PCYT1B: variants seen among roughly 807,000 people sequenced by gnomAD.
PCYT1B encodes the protein choline-phosphate cytidylyltransferase B.
PCYT1B carries 10 observed loss-of-function variants against 26.4 expected under a neutral mutation model. That is an observed-to-expected ratio of 0.38 (90% CI 0.23 to 0.64). The LOEUF is 0.64. Among genes scored for constraint, PCYT1B ranks in the 30% least tolerant of loss-of-function variants. The pLI is 0.56. For missense variants in PCYT1B, 161 were observed against 292.7 expected, an observed-to-expected ratio of 0.55 and a Z score of 3.28; for synonymous variants, 131 against 108.4, an observed-to-expected ratio of 1.21 and a Z score of -1.29.
At chrX:24,629,591 C>CAAAAAA (rs1330878773) in intron 1 of PCYT1B, among the ~76,000 whole-genome samples, 1 of 67,108 alleles carries the variant, frequency 1.5e-5, no homozygotes, top group Admixed American at 2.0e-4. Flanking sequence ...AAAAAAAAAA[C>CAAAAAA]AACACGTATT....
At chrX:24,582,017 C>T (rs1169938366) in intron 5 of PCYT1B, among the ~76,000 whole-genome samples, 1 of 112,294 alleles carries the variant, frequency 8.9e-6, no homozygotes, top group Non-Finnish European at 1.9e-5. Context: ...GAATCTAACA[C>T]GGAAAACCAA....
chrX:24,611,784 CA>C (rs1925316166), intron 2 of PCYT1B, among the ~76,000 whole-genome samples: 1 of 110,355 alleles, frequency 9.1e-6, no homozygotes, highest in South Asian at 3.9e-4. Context: ...CCAGCCTGGC[CA>C]ACATGCTGAA....
chrX:24,563,126 A>G (rs937233469), intron 7 of PCYT1B, among the ~76,000 whole-genome samples: 1 of 111,478 alleles, frequency 9.0e-6, no homozygotes, highest in African/African-American at 3.3e-5. Context: ...GTCATGACCT[A>G]CGGACTGGAG....
intron 1 of PCYT1B, among the ~76,000 whole-genome samples, chrX:24,663,301 C>T (rs891222967): frequency 4.4e-5 from 5 of 112,552 alleles, no homozygotes; most frequent in Non-Finnish European, 7.5e-5. Context: ...CAGTAAGTTA[C>T]AAACTCTGTG....
At chrX:24,665,543 G>A (rs192767908) in intron 1 of PCYT1B, among the ~76,000 whole-genome samples, 1,331 of 110,853 alleles carry the variant, frequency 0.012, 13 homozygotes, top group Non-Finnish European at 0.018. Flanking sequence ...CACCTGCCTC[G>A]GCCTCCCAAA....
chrX:24,618,777 C>A (rs770413181), intron 2 of PCYT1B, among the ~76,000 whole-genome samples: 5 of 110,152 alleles, frequency 4.5e-5, no homozygotes, highest in African/African-American at 1.6e-4. Context: ...CGTGCACCAC[C>A]ACACCTGGCT....
chrX:24,601,608 A>T (rs1924968454), intron 3 of PCYT1B, among the ~76,000 whole-genome samples: 1 of 111,765 alleles, frequency 8.9e-6, no homozygotes, highest in Non-Finnish European at 1.9e-5. Context: ...AATAAGAAAA[A>T]AAACAGCTGG....
At chrX:24,609,919 C>A (rs1925256090) in intron 2 of PCYT1B, among the ~76,000 whole-genome samples, 1 of 110,275 alleles carries the variant, frequency 9.1e-6, no homozygotes, top group South Asian at 3.9e-4. Flanking sequence ...ATGGTGAAAC[C>A]CTGTTTCTAC....
intron 1 of PCYT1B, chrX:24,632,443 G>T (rs192360767): frequency 7.3e-4 from 112 of 153,310 alleles, no homozygotes; most frequent in Non-Finnish European, 1.4e-3. Flanking sequence ...GAACTCATTT[G>T]TCAATATCTT....
chrX:24,562,373 T>A lies in PCYT1B; in HGVS notation c.1030A>T (p.Lys344Ter). The change falls in exon 8 of 8, where the codon AAA becomes TAA. Residue 344 changes from lysine to a stop codon, truncating the protein, a stop_gained. Transcript: ENST00000379144. LOFTEE classifies it high-confidence loss of function. ...PSPTFSWLPL[K>*]TSPPSSPKAA... The stretch of plus-strand genomic sequence containing the variant: ...TTGGGTGAGGAAGGGGGTGAGGTTT[T>A]GAGTGGAAGCCATGAGAAGGTGGGC... 1.7e-6 allele frequency: 2 copies of A among 1,181,800 alleles called. No homozygotes were observed. The highest frequency in any genetic ancestry group is 2.3e-6 in the Non-Finnish European group (2 of 881,472).
At chrX:24,606,965 C>T (rs1925158511) in intron 3 of PCYT1B, among the ~76,000 whole-genome samples, 1 of 112,016 alleles carries the variant, frequency 8.9e-6, no homozygotes, top group African/African-American at 3.2e-5. Flanking sequence ...TTTTTTCCCC[C>T]AGTAGAGGTG....
At chrX:24,607,213 G>A (rs767365741) in intron 3 of PCYT1B, among the ~76,000 whole-genome samples, 16 of 111,894 alleles carry the variant, frequency 1.4e-4, no homozygotes, top group Admixed American at 8.6e-4. Context: ...AGATTACCTC[G>A]GTATATAAAT....
intron 3 of PCYT1B, among the ~76,000 whole-genome samples, chrX:24,593,051 C>G (rs1199154930): frequency 9.0e-6 from 1 of 111,271 alleles, no homozygotes; most frequent in Non-Finnish European, 1.9e-5. Flanking sequence ...GTAGACCCAC[C>G]CTCTTCTGAA....
rs779219410 is a variant in PCYT1B, at chrX:24,560,696, C to T, written c.*1597G>A. On this transcript the variant is annotated 3_prime_UTR_variant, in exon 8 of 8. Coordinates refer to ENST00000379144, the MANE Select transcript of PCYT1B (RefSeq NM_004845.5). ...TGCCGCCTTCCTTCACTGGTTGTCC[C>T]CTTGTCACCTAGAAGGCTGGTTCCC... 9.0e-6 allele frequency: 1 copy of T among 111,722 alleles called. No homozygotes were observed. Among genetic ancestry groups the T allele is most frequent in the South Asian group, 3.9e-4 (1 of 2,585 alleles). 9.2% of individuals were successfully genotyped at this position (111,722 alleles called of 1,213,427 possible). A position where few individuals can be genotyped will look rare whatever the true frequency, so the allele number is the denominator to read the frequency against.
At chrX:24,637,781 G>C (rs1447028052) in intron 1 of PCYT1B, among the ~76,000 whole-genome samples, 1 of 109,140 alleles carries the variant, frequency 9.2e-6, no homozygotes, top group African/African-American at 3.4e-5. Flanking sequence ...GATTAAATGA[G>C]ATAATACATA....
intron 5 of PCYT1B, among the ~76,000 whole-genome samples, chrX:24,580,293 A>G (rs1320095843): frequency 1.8e-5 from 2 of 112,971 alleles, no homozygotes; most frequent in South Asian, 3.6e-4. Flanking sequence ...AAGGTGCTCA[A>G]TAAATGGAAA....
intron 1 of PCYT1B, among the ~76,000 whole-genome samples, chrX:24,627,331 G>A (rs1450044880): frequency 2.7e-5 from 3 of 111,537 alleles, no homozygotes; most frequent in African/African-American, 9.8e-5. Flanking sequence ...CCATCAGAGC[G>A]TTTCGTTTTG....
chrX:24,578,394 G>A (rs1218120753), intron 6 of PCYT1B, among the ~76,000 whole-genome samples: 7 of 111,196 alleles, frequency 6.3e-5, no homozygotes, highest in African/African-American at 1.3e-4. Context: ...TGTAGATGAC[G>A]GGTTGATGGG....
intron 7 of PCYT1B, among the ~76,000 whole-genome samples, chrX:24,574,159 T>C (rs764718701): frequency 1.8e-5 from 2 of 112,033 alleles, no homozygotes; most frequent in African/African-American, 6.5e-5. Flanking sequence ...CATATTATAA[T>C]AGGAAATCCA....
Sources: allele counts gnomAD v4.1 joint callset (sites outside exome capture counted in the v4.1 genomes callset), GRCh38; gene constraint gnomAD v4.1.1; transcripts MANE v1.5; gene names NCBI Gene and HGNC (gene_info 2026-07-23, HGNC 2026-07-21).